SLC20A2: variants seen among roughly 807,000 people sequenced by gnomAD.
SLC20A2 encodes sodium-dependent phosphate transporter 2.
A neutral mutation model predicts 61.0 loss-of-function variants in SLC20A2; 30 were observed. That is an observed-to-expected ratio of 0.49 (90% CI 0.37 to 0.67). SLC20A2 has a LOEUF of 0.67. Ranked by LOEUF, SLC20A2 falls within the 30% of genes least tolerant of loss-of-function variation. SLC20A2 has a pLI of 0.00. For synonymous variants in SLC20A2, 351 were observed against 353.3 expected, an observed-to-expected ratio of 0.99 and a Z score of 0.07; for missense variants, 626 against 866.4, an observed-to-expected ratio of 0.72 and a Z score of 3.48.
intron 5 of SLC20A2, among the ~76,000 whole-genome samples, chr8:42,446,864 A>G (rs1311118529): frequency 6.6e-6 from 1 of 152,172 alleles, no homozygotes; most frequent in Non-Finnish European, 1.5e-5. Context: ...AAAGTAAAAA[A>G]CAAAATATAA....
At chr8:42,463,255 G>T in intron 3 of SLC20A2, 165 bp from the exon 4 acceptor site, 1 of 508,444 alleles carries the variant, frequency 2.0e-6, no homozygotes. Context: ...ACTTGGCAGA[G>T]CTGACCTTCA....
In SLC20A2 at chr8:42,440,695, T is replaced by G. The variant is rs117372910; in HGVS notation, c.731-1042A>C. 4.8e-3 allele frequency among the ~76,000 whole-genome samples: 726 copies of G among 152,338 alleles called. 8 individuals are homozygous for G. The highest frequency in any genetic ancestry group is 0.011 in the Admixed American group (162 of 15,292). On this transcript the variant is annotated intron_variant, in intron 6 of 10. Coordinates refer to ENST00000520262, the MANE Select transcript of SLC20A2 (RefSeq NM_001257180.2). ...CCATATAAGAAGCTGCCAAACAGTT[T>G]CCCTGTACCATTTGACATTCCCATC...
At chr8:42,451,673 A>G (rs1805674184) in intron 5 of SLC20A2, among the ~76,000 whole-genome samples, 1 of 108,344 alleles carries the variant, frequency 9.2e-6, no homozygotes, top group Non-Finnish European at 1.8e-5. Context: ...AGGGGGAGGA[A>G]GAGATGAAGA....
chr8:42,433,924 C>A (rs529429057), intron 8 of SLC20A2, among the ~76,000 whole-genome samples: 12 of 152,182 alleles, frequency 7.9e-5, no homozygotes, highest in Non-Finnish European at 1.6e-4. Flanking sequence ...TTTTGAGGAG[C>A]CTCCATCCTG....
intron 2 of SLC20A2, among the ~76,000 whole-genome samples, chr8:42,469,915 G>A (rs1807491254): frequency 1.3e-5 from 2 of 149,508 alleles, no homozygotes; most frequent in Non-Finnish European, 3.0e-5. Flanking sequence ...GCAACAAAGC[G>A]AGATTCCGTC....
chr8:42,468,213 A>T (rs1041477702), intron 2 of SLC20A2, among the ~76,000 whole-genome samples: 3 of 152,112 alleles, frequency 2.0e-5, no homozygotes, highest in Non-Finnish European at 2.9e-5. Context: ...ATATTCTTAC[A>T]ATTAAAATAA....
intron 5 of SLC20A2, among the ~76,000 whole-genome samples, chr8:42,448,544 G>A (rs922009788): frequency 3.9e-5 from 6 of 152,230 alleles, no homozygotes; most frequent in East Asian, 3.9e-4. Flanking sequence ...CCTGTGCTTC[G>A]ACTTAAGATA....
At chr8:42,525,145 C>A (rs144435721) in intron 1 of SLC20A2, among the ~76,000 whole-genome samples, 1 of 152,124 alleles carries the variant, frequency 6.6e-6, no homozygotes, top group Admixed American at 6.5e-5. Context: ...ACTGCTGGTG[C>A]CACACCCACC....
intron 10 of SLC20A2, among the ~76,000 whole-genome samples, chr8:42,419,251 A>C (rs1802884377): frequency 6.6e-6 from 1 of 152,084 alleles, no homozygotes; most frequent in African/African-American, 2.4e-5. Flanking sequence ...TCACAATCCA[A>C]TGTTTATGAC....
intron 1 of SLC20A2, among the ~76,000 whole-genome samples, chr8:42,519,777 T>G (rs947111844): frequency 6.6e-6 from 1 of 152,128 alleles, no homozygotes; most frequent in Non-Finnish European, 1.5e-5. Context: ...TGACTTAAAT[T>G]TATGGCTGTC....
At position 42,486,936 on chromosome 8, in the gene SLC20A2, A is replaced by G. The variant is rs192456674; in HGVS notation, c.-265+14095T>C. Among the ~76,000 whole-genome samples, 741 of 151,996 alleles carry G rather than the reference A, an allele frequency of 4.9e-3. 6 individuals carry two copies. Among genetic ancestry groups the G allele is most frequent in the African/African-American group, 0.017 (711 of 41,438 alleles). On this transcript the variant is annotated intron_variant, in intron 1 of 10. Transcript: ENST00000520262. ...GGCTGGAATGCAATGGTGTGATCTC[A>G]GCCCACCACAACCTCCACCTCCTGG...
intron 1 of SLC20A2, among the ~76,000 whole-genome samples, chr8:42,536,097 C>A (rs1318920957): frequency 2.6e-5 from 4 of 152,186 alleles, no homozygotes; most frequent in African/African-American, 7.2e-5. Context: ...ATAAAAACTA[C>A]AATATAGACT....
At chr8:42,465,970 ACC>A in intron 2 of SLC20A2, 53 bp from the exon 3 acceptor site, 1 of 1,494,022 alleles carries the variant, frequency 6.7e-7, no homozygotes, top group Non-Finnish European at 9.0e-7. Context: ...AGGTGCAGAC[ACC>A]AAGGGAAGAA....
intron 1 of SLC20A2, among the ~76,000 whole-genome samples, chr8:42,494,576 C>T (rs1177506839): frequency 6.6e-6 from 1 of 152,200 alleles, no homozygotes; most frequent in Non-Finnish European, 1.5e-5. Flanking sequence ...GTCATAAATA[C>T]ATAATGTTTT....
At chr8:42,444,599 G>T in intron 6 of SLC20A2, 47 bp downstream of exon 6, 2 of 1,417,406 alleles carry the variant, frequency 1.4e-6, no homozygotes, top group East Asian at 2.3e-5. Flanking sequence ...TGAGGTTTTG[G>T]GAATCGGGAG....
chr8:42,486,520 AG>A (rs1191838828), intron 1 of SLC20A2, among the ~76,000 whole-genome samples: 3 of 152,196 alleles, frequency 2.0e-5, no homozygotes, highest in Admixed American at 6.5e-5. Flanking sequence ...TAGTTCTGCT[AG>A]CAATGGATGG....
At chr8:42,495,557 GGTCA>G (rs138604215) in intron 1 of SLC20A2, among the ~76,000 whole-genome samples, 3,623 of 152,240 alleles carry the variant, frequency 0.024, 147 homozygotes, top group African/African-American at 0.082. Flanking sequence ...ATGTCTGAGA[GGTCA>G]GTTTTTTGAA....
In SLC20A2 at chr8:42,459,897, T is replaced by C. The variant is rs1484483677; in HGVS notation, c.612A>G (p.Pro204=). 1 of 1,607,028 alleles carries C rather than the reference T, an allele frequency of 6.2e-7. No homozygotes were observed. Among genetic ancestry groups the C allele is most frequent in the Non-Finnish European group, 8.5e-7 (1 of 1,174,286 alleles). ...NVFSIMYTGA[P]VLGLVLPMWA... ...AGTATGCTTCCAAGGGATCCTTACCTGGTGCTCCTGTGTACATGATGGAAA... is the reference window on the plus strand; with the variant it reads ...AGTATGCTTCCAAGGGATCCTTACCCGGTGCTCCTGTGTACATGATGGAAA... The change falls in exon 5 of 11, where the codon CCA becomes CCG. Residue 204 remains proline, a splice_region_variant and synonymous_variant. Transcript: ENST00000520262.
chr8:42,476,088 T>C (rs1259453487), intron 1 of SLC20A2, among the ~76,000 whole-genome samples: 2 of 104,348 alleles, frequency 1.9e-5, no homozygotes, highest in Non-Finnish European at 3.8e-5. Context: ...CTGTGTCTTT[T>C]TTTTTTTTTT....
Sources: gnomAD v4.1 joint callset for allele counts (sites outside exome capture counted in the v4.1 genomes callset) on GRCh38, gnomAD v4.1.1 for gene constraint, MANE v1.5 for transcripts, NCBI Gene and HGNC (gene_info 2026-07-23, HGNC 2026-07-21) for gene names.